MAP3K4: variants seen among roughly 807,000 people sequenced by gnomAD.
MAP3K4 encodes the protein MAP three kinase 1.
Under a neutral mutation model 185.6 loss-of-function variants are expected in MAP3K4, and 67 were observed. The observed-to-expected ratio is 0.36, with a 90% CI of 0.30 to 0.44. The LOEUF (loss-of-function observed/expected upper bound fraction) is 0.44, where lower values mean the gene tolerates loss of function less well. MAP3K4 is among the 20% of genes least tolerant of loss of function. The pLI, the probability that MAP3K4 is intolerant of heterozygous loss-of-function variation, is 1.00. For missense variants in MAP3K4, 1,551 were observed against 1,995.1 expected, an observed-to-expected ratio of 0.78 and a Z score of 4.24; for synonymous variants, 702 against 710.4, an observed-to-expected ratio of 0.99 and a Z score of 0.19.
rs1281159455 is a variant in MAP3K4 at position 161,110,965 on chromosome 6, C to G, written c.4397-871C>G. On this transcript the variant is annotated intron_variant, in intron 23 of 26. Transcript: ENST00000392142. The surrounding 1 kb of genome is among the most constrained non-coding windows in gnomAD (Gnocchi z 4.8). ...GTTTGTTCCGTGGCAGGAAGAGACT[C>G]CCTTAGAATCTGAAGCAGGTCAGCT... Among the ~76,000 whole-genome samples the G allele has an allele frequency of 6.6e-6, 1 of 152,206 alleles. No individual in the cohort carries two copies. The highest frequency in any genetic ancestry group is 6.5e-5 in the Admixed American group (1 of 15,274).
chr6:161,045,369 T>A (rs552650115), intron 2 of MAP3K4, among the ~76,000 whole-genome samples: 1 of 152,336 alleles, frequency 6.6e-6, no homozygotes, highest in African/African-American at 2.4e-5. Context: ...GACTGTTTTG[T>A]ATGCTGTGAG....
At chr6:161,015,027 G>A (rs959267413) in intron 1 of MAP3K4, among the ~76,000 whole-genome samples, 2 of 151,868 alleles carry the variant, frequency 1.3e-5, no homozygotes, top group African/African-American at 4.8e-5. Context: ...GGGTTTTTTT[G>A]TGACTGGCTT....
Position 161,034,071 on chromosome 6 carries a change from A to T in MAP3K4, c.153-188A>T, listed in dbSNP as rs1222601193. On this transcript the variant is annotated intron_variant, in intron 1 of 26. Transcript: ENST00000392142. The surrounding 1 kb of genome is among the most constrained non-coding windows in gnomAD (Gnocchi z 4.4). ...GGTAGGAGAAGCGGCAGTCACAATT[A>T]TTACTCTCTTCAAGCAAAAGAAAAG... 6.6e-6 allele frequency among the ~76,000 whole-genome samples: 1 copy of T among 152,186 alleles called. No individual in the cohort carries two copies. Among genetic ancestry groups the T allele is most frequent in the African/African-American group, 2.4e-5 (1 of 41,446 alleles).
chr6:161,058,795 C>T (rs1784361036), intron 3 of MAP3K4, among the ~76,000 whole-genome samples: 1 of 151,530 alleles, frequency 6.6e-6, no homozygotes, highest in Non-Finnish European at 1.5e-5. Flanking sequence ...TGTTAAATTC[C>T]ATTTAACAAC....
At chr6:161,081,412 C>CT (rs1785450540) in intron 6 of MAP3K4, among the ~76,000 whole-genome samples, 1 of 152,034 alleles carries the variant, frequency 6.6e-6, no homozygotes. Flanking sequence ...AACTCTTTTT[C>CT]CCCCTAATAA....
intron 2 of MAP3K4, among the ~76,000 whole-genome samples, chr6:161,045,147 C>T (rs762723132): frequency 6.6e-6 from 1 of 151,932 alleles, no homozygotes; most frequent in Non-Finnish European, 1.5e-5. Flanking sequence ...GTTCGAATTG[C>T]GTCATTATTT....
intron 1 of MAP3K4, among the ~76,000 whole-genome samples, chr6:161,009,125 C>T (rs547545869): frequency 6.6e-6 from 1 of 152,044 alleles, no homozygotes; most frequent in Admixed American, 6.5e-5. Context: ...GCTGGGACTA[C>T]AGGTGCGCGC....
chr6:161,021,563 C>A (rs911830297), intron 1 of MAP3K4, among the ~76,000 whole-genome samples: 1 of 152,230 alleles, frequency 6.6e-6, no homozygotes, highest in Non-Finnish European at 1.5e-5. Context: ...TACCATCTTC[C>A]TAGTTCTCCA....
At position 161,117,142 on chromosome 6, in the gene MAP3K4, G is replaced by A. The variant is rs1369698548; in HGVS notation, c.*272G>A. ...ATCGCCTCTGTCTCCTCCGTGTCTCGCGCGACTGAGAACCGTGACATCAGC... is the reference window on the plus strand; with the variant it reads ...ATCGCCTCTGTCTCCTCCGTGTCTCACGCGACTGAGAACCGTGACATCAGC... On this transcript the variant is annotated 3_prime_UTR_variant, in exon 27 of 27. Transcript: ENST00000392142. 6 of 441,292 alleles carry A rather than the reference G, an allele frequency of 1.4e-5. No individual in the cohort carries two copies. The highest frequency in any genetic ancestry group is 2.4e-5 in the Non-Finnish European group (6 of 247,442). The allele number at this position is 441,292 out of a possible 1,614,324, so 27.3% of individuals were successfully genotyped here.
At position 161,086,564 on chromosome 6, in the gene MAP3K4, C is replaced by T. The variant is rs1173909433; in HGVS notation, c.2473-20C>T. 2.5e-6 allele frequency: 4 copies of T among 1,609,982 alleles called. No homozygotes were observed. In the African/African-American group the frequency reaches 4.0e-5, roughly 16 times the overall value. ...TTTAATGCTAACCGTAAAGAAGTTT[C>T]TTTGTAACTGTGATCCTAGGACCTG... On this transcript the variant is annotated intron_variant, in intron 8 of 26. Coordinates refer to ENST00000392142, the MANE Select transcript of MAP3K4 (RefSeq NM_005922.4). The surrounding 1 kb of genome is among the most constrained non-coding windows in gnomAD (Gnocchi z 4.8).
At chr6:161,068,086 C>A (rs577093063) in intron 3 of MAP3K4, among the ~76,000 whole-genome samples, 37 of 152,278 alleles carry the variant, frequency 2.4e-4, no homozygotes, top group Non-Finnish European at 3.8e-4. Flanking sequence ...CAAACATAAG[C>A]ATCTATTATG....
rs564415800 is a variant in MAP3K4 at position 161,071,847 on chromosome 6, C to T, written c.1950+997C>T. Among the ~76,000 whole-genome samples, 8 of 152,288 alleles carry T rather than the reference C, an allele frequency of 5.3e-5. No homozygotes were observed. The highest frequency in any genetic ancestry group is 1.0e-4 in the Non-Finnish European group (7 of 68,026). On this transcript the variant is annotated intron_variant, in intron 4 of 26. Coordinates refer to ENST00000392142, the MANE Select transcript of MAP3K4 (RefSeq NM_005922.4). The surrounding 1 kb of genome is among the most constrained non-coding windows in gnomAD (Gnocchi z 4.6). ...CTTGCTTTTAACTCATCCTCATAATCGCAGTGGTTATCTAGGACATTTTGG... is the reference window on the plus strand; with the variant it reads ...CTTGCTTTTAACTCATCCTCATAATTGCAGTGGTTATCTAGGACATTTTGG...
In MAP3K4 at chr6:161,098,913, G is replaced by C. The variant is rs1777706800; in HGVS notation, c.3674+486G>C. Among the ~76,000 whole-genome samples, 2 of 152,196 alleles carry C rather than the reference G, an allele frequency of 1.3e-5. No homozygotes were observed. Among genetic ancestry groups the C allele is most frequent in the Non-Finnish European group, 2.9e-5 (2 of 68,040 alleles). The stretch of plus-strand genomic sequence containing the variant: ...TAGAAGTGGAAAAATGAGTTCATGG[G>C]GTTTGTATGTCATATGGAGAACAGA... On this transcript the variant is annotated intron_variant, in intron 17 of 26. Transcript: ENST00000392142. The surrounding 1 kb of genome is among the most constrained non-coding windows in gnomAD (Gnocchi z 4.4).
At position 161,073,631 on chromosome 6, in the gene MAP3K4, G is replaced by C. The variant is rs1785046126; in HGVS notation, c.2097+19G>C. 3 of 1,585,622 alleles carry C rather than the reference G, an allele frequency of 1.9e-6. No homozygotes were observed. In the African/African-American group the frequency reaches 4.1e-5, roughly 22 times the overall value. On this transcript the variant is annotated intron_variant, in intron 5 of 26. Coordinates refer to ENST00000392142, the MANE Select transcript of MAP3K4 (RefSeq NM_005922.4). This position sits in a 1 kb window ranked among gnomAD's most constrained non-coding sequence, Gnocchi z 4.2. ...GCTTATGGTCAGAAGCAGTGGGGAG[G>C]AATTTTTCTTTCTTTCTTTGTTTCT... is the stretch of plus-strand genomic sequence containing the variant.
intron 1 of MAP3K4, among the ~76,000 whole-genome samples, chr6:161,010,026 TAAAAA>T (rs1279313548): frequency 1.3e-5 from 2 of 152,166 alleles, no homozygotes; most frequent in South Asian, 2.1e-4. Context: ...TTAAAAAAAA[TAAAAA>T]AGAAAAAGCT....
At chr6:160,992,659 G>A (rs1780787767) in intron 1 of MAP3K4, among the ~76,000 whole-genome samples, 1 of 152,154 alleles carries the variant, frequency 6.6e-6, no homozygotes. Flanking sequence ...CTGTCCTTTA[G>A]TGCTAGTATT....
In MAP3K4 at chr6:161,087,122, A is replaced by T. The variant is rs1180225438; in HGVS notation, c.2556+455A>T. ...GTTGTTGGAGATTTAGCACAGTTAGAATCCGTATGTGATGTCATCACTGGA... is the reference window on the plus strand; with the variant it reads ...GTTGTTGGAGATTTAGCACAGTTAGTATCCGTATGTGATGTCATCACTGGA... On this transcript the variant is annotated intron_variant, in intron 9 of 26. Coordinates refer to ENST00000392142, the MANE Select transcript of MAP3K4 (RefSeq NM_005922.4). The surrounding 1 kb of genome is among the most constrained non-coding windows in gnomAD (Gnocchi z 4.9). Among the ~76,000 whole-genome samples, 1 of 152,168 alleles carries T rather than the reference A, an allele frequency of 6.6e-6. No homozygotes were observed. The highest frequency in any genetic ancestry group is 1.9e-4 in the East Asian group (1 of 5,180).
rs73593249 is a variant in MAP3K4 at position 161,073,056 on chromosome 6, A to G, written c.1951-410A>G. Among the ~76,000 whole-genome samples the G allele has an allele frequency of 5.8e-3, 879 of 152,210 alleles. 10 individuals are homozygous for G. Among genetic ancestry groups the G allele is most frequent in the African/African-American group, 0.02 (845 of 41,530 alleles). ...GGCCACCTGCTTTGTGGTAAAAAGT[A>G]CCTTTGAATCTTTATTATGTTTTTG... On this transcript the variant is annotated intron_variant, in intron 4 of 26. Coordinates refer to ENST00000392142, the MANE Select transcript of MAP3K4 (RefSeq NM_005922.4). This position sits in a 1 kb window ranked among gnomAD's most constrained non-coding sequence, Gnocchi z 4.2.
In MAP3K4 at chr6:161,098,527, C is replaced by A; in HGVS notation, c.3674+100C>A. 7.0e-7 allele frequency: 1 copy of A among 1,421,478 alleles called. No individual in the cohort carries two copies. Among genetic ancestry groups the A allele is most frequent in the Non-Finnish European group, 9.4e-7 (1 of 1,061,444 alleles). 88.1% of individuals were successfully genotyped at this position (1,421,478 alleles called of 1,614,324 possible). A position where few individuals can be genotyped will look rare whatever the true frequency, so the allele number is the denominator to read the frequency against. ...GTGTGTGCCGGCTGTGGTTGGGCTT[C>A]TTTGCTGTGGCGTGTGAGTGATGCT... On this transcript the variant is annotated intron_variant, in intron 17 of 26. Coordinates refer to ENST00000392142, the MANE Select transcript of MAP3K4 (RefSeq NM_005922.4). The surrounding 1 kb of genome is among the most constrained non-coding windows in gnomAD (Gnocchi z 4.4).
Sources: allele counts gnomAD v4.1 joint callset (sites outside exome capture counted in the v4.1 genomes callset), GRCh38; gene constraint gnomAD v4.1.1; non-coding constraint Gnocchi (gnomAD v3.1); transcripts MANE v1.5; gene names NCBI Gene and HGNC (gene_info 2026-07-23, HGNC 2026-07-21).